PCDHGA7: variants seen among roughly 807,000 people sequenced by gnomAD.
PCDHGA7 encodes the protein protocadherin gamma subfamily A, 7, also known as protocadherin gamma-A7.
In PCDHGA7, 44 loss-of-function variants were observed where a neutral mutation model predicts 58.3. That is an observed-to-expected ratio of 0.75 (90% CI 0.59 to 0.97). The LOEUF is 0.97. Among genes scored for constraint, PCDHGA7 ranks in the 50% least tolerant of loss-of-function variants. PCDHGA7 has a pLI of 0.00. For missense variants in PCDHGA7, 1,266 were observed against 1,188.7 expected, an observed-to-expected ratio of 1.06 and a Z score of -0.96; for synonymous variants, 516 against 504.2, an observed-to-expected ratio of 1.02 and a Z score of -0.31.
rs762413220 is a variant in PCDHGA7 at position 141,403,196 on chromosome 5, G to T, written c.2424+17873G>T. 1.9e-6 allele frequency: 3 copies of T among 1,613,986 alleles called. No individual in the cohort carries two copies. The South Asian group carries it at 3.3e-5, about 18-fold the overall frequency. ...GCTTTTCTCTCTGAACCCGCGCAGC[G>T]GCACCTTGGTCACCGCGGGTAGGAT... is the stretch of plus-strand genomic sequence containing the variant. On this transcript the variant is annotated intron_variant, in intron 1 of 3. Transcript: ENST00000518325.
In PCDHGA7 at chr5:141,413,895, T is replaced by C. The variant is rs749075692; in HGVS notation, c.2424+28572T>C. On this transcript the variant is annotated intron_variant, in intron 1 of 3. Transcript: ENST00000518325. ...TCAGTGTGACTGTCTTCGATGCAAATGACAACGCGCCGGTCTTCACCTTGC... is the reference window on the plus strand; with the variant it reads ...TCAGTGTGACTGTCTTCGATGCAAACGACAACGCGCCGGTCTTCACCTTGC... 7 of 1,613,190 alleles carry C rather than the reference T, an allele frequency of 4.3e-6. No individual in the cohort carries two copies. The South Asian group carries it at 6.6e-5, about 15-fold the overall frequency.
intron 2 of PCDHGA7, among the ~76,000 whole-genome samples, chr5:141,500,184 T>TTTTTTTTATTTATTTA (rs1554186429): frequency 7.4e-6 from 1 of 135,886 alleles, no homozygotes; most frequent in African/African-American, 2.7e-5. Flanking sequence ...TCATTTTTAT[T>TTTTTTTTATTTATTTA]TTTATTTATT....
chr5:141,494,882 C>T lies in PCDHGA7; in HGVS notation c.2483+17C>T, dbSNP rs771484301. On this transcript the variant is annotated intron_variant, in intron 2 of 3. Transcript: ENST00000518325. ...CACCAGCGGGTAGGTGACTGATTCT[C>T]CAGCCCACCCTCTTCTCTGCGGCAT... is the stretch of plus-strand genomic sequence containing the variant. 35 of 1,614,128 alleles carry T rather than the reference C, an allele frequency of 2.2e-5. No homozygotes were observed. The highest frequency in any genetic ancestry group is 3.3e-4 in the Middle Eastern group (2 of 6,060).
chr5:141,438,733 C>T (rs2098057443), intron 1 of PCDHGA7, among the ~76,000 whole-genome samples: 1 of 149,042 alleles, frequency 6.7e-6, no homozygotes, highest in Non-Finnish European at 1.5e-5. Context: ...GTGATCTCAG[C>T]TCACTGCAAC....
At chr5:141,409,614 T>C in intron 1 of PCDHGA7, 1 of 1,613,880 alleles carries the variant, frequency 6.2e-7, no homozygotes, top group Non-Finnish European at 8.5e-7. Flanking sequence ...GGAGCCTCCA[T>C]TGCGCAAGTG....
At position 141,512,430 on chromosome 5, in the gene PCDHGA7, CT is replaced by C. The variant is rs1357890225; in HGVS notation, c.*1258del. The C allele has an allele frequency of 1.3e-5, 2 of 152,824 alleles. No homozygotes were observed. Among genetic ancestry groups the C allele is most frequent in the Non-Finnish European group, 2.9e-5 (2 of 68,158 alleles). 9.5% of individuals were successfully genotyped at this position (152,824 alleles called of 1,614,324 possible). On this transcript the variant is annotated 3_prime_UTR_variant, in exon 4 of 4. Coordinates refer to ENST00000518325, the MANE Select transcript of PCDHGA7 (RefSeq NM_018920.4). ...CTTCTTCAACAGGGCCCCTGCCCTCCTGAAGCCTCAGTCCTTCACCTTGCCA... is the reference window on the plus strand; with the variant it reads ...CTTCTTCAACAGGGCCCCTGCCCTCCGAAGCCTCAGTCCTTCACCTTGCCA...
intron 1 of PCDHGA7, chr5:141,393,467 C>G (rs1589192441): frequency 6.2e-7 from 1 of 1,614,044 alleles, no homozygotes; most frequent in East Asian, 2.2e-5. Flanking sequence ...CGGATGGCGG[C>G]AAGCCGCCTC....
In PCDHGA7 at chr5:141,511,330, T is replaced by C; in HGVS notation, c.*157T>C. 1 of 1,455,994 alleles carries C rather than the reference T, an allele frequency of 6.9e-7. No homozygotes were observed. The highest frequency in any genetic ancestry group is 9.1e-7 in the Non-Finnish European group (1 of 1,093,254). 90.2% of individuals were successfully genotyped at this position (1,455,994 alleles called of 1,614,324 possible). ...TTGGGAAACAGAAACAAGTGCCCAG[T>C]CAGCACCTACCCCTTCCCCCCCAGG... On this transcript the variant is annotated 3_prime_UTR_variant, in exon 4 of 4. Coordinates refer to ENST00000518325, the MANE Select transcript of PCDHGA7 (RefSeq NM_018920.4).
intron 1 of PCDHGA7, among the ~76,000 whole-genome samples, chr5:141,386,638 G>A (rs1376557329): frequency 6.6e-6 from 1 of 151,840 alleles, no homozygotes; most frequent in Non-Finnish European, 1.5e-5. Flanking sequence ...CACCCAGGCT[G>A]GATACATTTT....
At chr5:141,398,362 G>T (rs1422597239) in intron 1 of PCDHGA7, 5 of 1,413,346 alleles carry the variant, frequency 3.5e-6, no homozygotes, top group Admixed American at 1.9e-5. Context: ...CACCGTGAGC[G>T]CAGAGAGCGG....
rs775247725 is a variant in PCDHGA7, at chr5:141,393,523, A to T, written c.2424+8200A>T. The T allele has an allele frequency of 2.0e-5, 33 of 1,613,900 alleles. No individual in the cohort carries two copies. Among genetic ancestry groups the T allele is most frequent in the Middle Eastern group, 1.6e-4 (1 of 6,084 alleles). ...CACGTGACAGTGTTGGATACAAATG[A>T]CAATGCCCCGGTTTTTCCTCACCCG... is the stretch of plus-strand genomic sequence containing the variant. On this transcript the variant is annotated intron_variant, in intron 1 of 3. Transcript: ENST00000518325.
chr5:141,414,578 A>G, intron 1 of PCDHGA7: 1 of 1,613,960 alleles, frequency 6.2e-7, no homozygotes, highest in Non-Finnish European at 8.5e-7. Context: ...ATCCCAGAGA[A>G]CAACGCCAGG....
At chr5:141,400,234 G>T (rs749957043) in intron 1 of PCDHGA7, 6 of 1,613,868 alleles carry the variant, frequency 3.7e-6, no homozygotes, top group African/African-American at 1.3e-5. Context: ...CCTCCTGGCC[G>T]TGATTCTGGC....
Position 141,489,533 on chromosome 5 carries a change from C to G in PCDHGA7, c.2425-5274C>G, listed in dbSNP as rs754586925. The G allele has an allele frequency of 6.2e-7, 1 of 1,614,086 alleles. No individual in the cohort carries two copies. The highest frequency in any genetic ancestry group is 1.7e-5 in the Admixed American group (1 of 60,030). ...ATTGACCGAGAAAGCCTATGTGGAG[C>G]CAGCACCAGCTGCCTGCTGCCAGTG... On this transcript the variant is annotated intron_variant, in intron 1 of 3. Coordinates refer to ENST00000518325, the MANE Select transcript of PCDHGA7 (RefSeq NM_018920.4). The surrounding 1 kb of genome is among the most constrained non-coding windows in gnomAD (Gnocchi z 4.5).
At chr5:141,459,499 G>A (rs2098968854) in intron 1 of PCDHGA7, among the ~76,000 whole-genome samples, 1 of 152,172 alleles carries the variant, frequency 6.6e-6, no homozygotes, top group Non-Finnish European at 1.5e-5. Context: ...TTAAAGTGAT[G>A]TGAACAATCA....
intron 1 of PCDHGA7, among the ~76,000 whole-genome samples, chr5:141,463,797 T>C (rs58523023): frequency 0.28 from 42,459 of 152,012 alleles, 6,656 homozygotes; most frequent in African/African-American, 0.43. Flanking sequence ...TGAACAAATG[T>C]CTAAAAGCTT....
Position 141,384,022 on chromosome 5 carries a change from G to C in PCDHGA7, c.1123G>C (p.Asp375His). ...VIALFYLQDRDSGKNGEVTCT... is the reference protein window; with the variant it reads ...VIALFYLQDRHSGKNGEVTCT... ...TGCTCTTTTCTACCTACAAGACAGA[G>C]ATTCTGGAAAGAATGGTGAGGTGAC... The change falls in exon 1 of 4, where the codon GAT becomes CAT. Residue 375 changes from aspartate to histidine, a missense_variant. By Grantham distance (81) the Asp-to-His change is moderately conservative. Coordinates refer to ENST00000518325, the MANE Select transcript of PCDHGA7 (RefSeq NM_018920.4). The C allele has an allele frequency of 1.9e-6, 3 of 1,613,680 alleles. No homozygotes were observed. The highest frequency in any genetic ancestry group is 2.5e-6 in the Non-Finnish European group (3 of 1,179,754).
intron 1 of PCDHGA7, among the ~76,000 whole-genome samples, chr5:141,474,586 A>G (rs149003643): frequency 6.6e-6 from 1 of 152,222 alleles, no homozygotes; most frequent in Non-Finnish European, 1.5e-5. Flanking sequence ...AGTGTTAAAG[A>G]CATGGAAATA....
chr5:141,487,933 A>ACCCTGTG lies in PCDHGA7; in HGVS notation c.2425-6873_2425-6872insCCTGTGC. 1.6e-6 allele frequency: 1 copy of ACCCTGTG among 612,004 alleles called. No individual in the cohort carries two copies. The highest frequency in any genetic ancestry group is 1.8e-5 in the African/African-American group (1 of 54,216). The allele number at this position is 612,004 out of a possible 1,614,324, so 37.9% of individuals were successfully genotyped here. On this transcript the variant is annotated intron_variant, in intron 1 of 3. Coordinates refer to ENST00000518325, the MANE Select transcript of PCDHGA7 (RefSeq NM_018920.4). The surrounding 1 kb of genome is among the most constrained non-coding windows in gnomAD (Gnocchi z 5.0). ...CACAGGAGGCTACAGTGCACAGGGT[A>ACCCTGTG]CAGTGCACCAGGCAGTCACTTGGAC... is the stretch of plus-strand genomic sequence containing the variant.
Sources: allele counts gnomAD v4.1 joint callset (sites outside exome capture counted in the v4.1 genomes callset), GRCh38; gene constraint gnomAD v4.1.1; non-coding constraint Gnocchi (gnomAD v3.1); transcripts MANE v1.5; gene names NCBI Gene and HGNC (gene_info 2026-07-23, HGNC 2026-07-21).